The following FRMD4A variants were observed in gnomAD, a reference collection of about 807,000 sequenced individuals.
The protein encoded by FRMD4A is FERM domain containing 4A, also known as FERM domain-containing protein 4A.
Under a neutral mutation model 129.1 loss-of-function variants are expected in FRMD4A, and 29 were observed. The observed-to-expected ratio is 0.22, with a 90% CI of 0.17 to 0.31. FRMD4A has a LOEUF of 0.31. Ranked by LOEUF, FRMD4A falls within the 10% of genes least tolerant of loss-of-function variation. The pLI is 1.00. For missense variants in FRMD4A, 1,272 were observed against 1,375.8 expected (o/e 0.92, Z 1.19); for synonymous variants, 634 against 571.6 (o/e 1.11, Z -1.56).
At chr10:14,091,309 C>T (rs1836648025) in intron 2 of FRMD4A, among the ~76,000 whole-genome samples, 1 of 152,144 alleles carries the variant, frequency 6.6e-6, no homozygotes, top group Non-Finnish European at 1.5e-5. Context: ...AAATCCAACA[C>T]ACCACTAGAA....
At chr10:14,184,039 T>A (rs1486608750) in intron 2 of FRMD4A, among the ~76,000 whole-genome samples, 1 of 152,116 alleles carries the variant, frequency 6.6e-6, no homozygotes, top group African/African-American at 2.4e-5. Flanking sequence ...TGGTCATGGT[T>A]TGGAGAAAGG....
intron 6 of FRMD4A, among the ~76,000 whole-genome samples, chr10:13,780,242 G>A (rs1173187764): frequency 3.3e-5 from 5 of 151,904 alleles, no homozygotes; most frequent in African/African-American, 4.8e-5. Context: ...CGGGAGAATC[G>A]CTTGAACCTG....
At chr10:13,827,514 G>A (rs908788663) in intron 3 of FRMD4A, among the ~76,000 whole-genome samples, 1 of 152,194 alleles carries the variant, frequency 6.6e-6, no homozygotes, top group African/African-American at 2.4e-5. Flanking sequence ...TCGGCCATTA[G>A]GCAGCTTGGC....
chr10:14,004,959 A>T (rs1020860), intron 2 of FRMD4A, among the ~76,000 whole-genome samples: 54,733 of 151,722 alleles, frequency 0.36, 12,247 homozygotes, highest in African/African-American at 0.63. Context: ...ATTTATATAA[A>T]CTTTACAGGC....
intron 17 of FRMD4A, 56 bp downstream of exon 17, chr10:13,670,350 A>C (rs2083414780): frequency 1.3e-6 from 2 of 1,580,676 alleles, no homozygotes; most frequent in Non-Finnish European, 1.7e-6. Context: ...AGGCCTGACC[A>C]ATGGGAAAAA....
intron 2 of FRMD4A, among the ~76,000 whole-genome samples, chr10:14,137,475 C>A (rs55749853): frequency 0.25 from 37,310 of 152,128 alleles, 5,477 homozygotes; most frequent in East Asian, 0.51. Flanking sequence ...GATTCCCATC[C>A]TTTGAATTTT....
In FRMD4A at chr10:13,657,788, G is replaced by GTTTT. The variant is rs10695622; in HGVS notation, c.2067-270_2067-267dup. Among the ~76,000 whole-genome samples the GTTTT allele has an allele frequency of 3.6e-4, 52 of 143,334 alleles. 1 individual carries two copies. In the South Asian group the frequency reaches 9.5e-3, roughly 26 times the overall value. The allele number at this position is 143,334 out of a possible 152,430, so 94.0% of individuals were successfully genotyped here. A position where few individuals can be genotyped will look rare whatever the true frequency, so the allele number is the denominator to read the frequency against. On this transcript the variant is annotated intron_variant, in intron 21 of 24. Coordinates refer to ENST00000357447, the MANE Select transcript of FRMD4A (RefSeq NM_018027.5). ...CTCACAGAAAGGTTTCGATTTCTGG[G>GTTTT]TTTTTTTTTTTTTTTAAATAATTCT...
At chr10:13,679,484 C>T (rs1256500116) in intron 15 of FRMD4A, among the ~76,000 whole-genome samples, 51 of 111,434 alleles carry the variant, frequency 4.6e-4, no homozygotes, top group African/African-American at 1.0e-3. Context: ...TACACACACA[C>T]ACACACACAC....
intron 2 of FRMD4A, among the ~76,000 whole-genome samples, chr10:14,252,667 T>C (rs1844479638): frequency 1.3e-5 from 2 of 152,258 alleles, no homozygotes; most frequent in South Asian, 4.1e-4. Context: ...CAATGTTAAC[T>C]TTGATCATTG....
intron 2 of FRMD4A, among the ~76,000 whole-genome samples, chr10:14,011,126 G>T (rs1030080785): frequency 6.6e-6 from 1 of 152,224 alleles, no homozygotes; most frequent in Non-Finnish European, 1.5e-5. Flanking sequence ...GGCCCAGCTT[G>T]CCTGTCCTAC....
intron 2 of FRMD4A, among the ~76,000 whole-genome samples, chr10:14,266,311 C>T (rs1018467961): frequency 6.6e-6 from 1 of 152,162 alleles, no homozygotes; most frequent in African/African-American, 2.4e-5. Context: ...GAAGAGGGAA[C>T]AAAATAGCCC....
chr10:13,962,874 T>C (rs2095455011), intron 2 of FRMD4A, among the ~76,000 whole-genome samples: 1 of 152,192 alleles, frequency 6.6e-6, no homozygotes, highest in South Asian at 2.1e-4. Flanking sequence ...ATTTACTCAC[T>C]GAAACAAAGA....
chr10:14,127,370 T>C (rs941383492), intron 2 of FRMD4A, among the ~76,000 whole-genome samples: 1 of 152,138 alleles, frequency 6.6e-6, no homozygotes, highest in Non-Finnish European at 1.5e-5. Context: ...TTGTGAAAAC[T>C]AGTTTGAGTT....
Position 13,663,505 on chromosome 10 carries a change from TC to T in FRMD4A, c.1607del (p.Gly536GlufsTer81). On this transcript the variant is annotated frameshift_variant, in exon 19 of 25. Transcript: ENST00000357447. LOFTEE classifies it high-confidence loss of function. ...TQRASLIIDD[G>X]NIASEDSSLS... The stretch of plus-strand genomic sequence containing the variant: ...GGGAGCTGTCTTCACTGGCAATGTT[TC>T]CATCTGAGAAGACAAAAAGCAATAG... 1 of 1,530,980 alleles carries T rather than the reference TC, an allele frequency of 6.5e-7. No homozygotes were observed. Among genetic ancestry groups the T allele is most frequent in the Non-Finnish European group, 9.1e-7 (1 of 1,103,982 alleles). The allele number at this position is 1,530,980 out of a possible 1,614,324, so 94.8% of individuals were successfully genotyped here.
intron 6 of FRMD4A, among the ~76,000 whole-genome samples, chr10:13,765,202 T>A (rs1167819630): frequency 6.7e-6 from 1 of 149,998 alleles, no homozygotes; most frequent in Non-Finnish European, 1.5e-5. Flanking sequence ...GCAACTTCTG[T>A]CTCCCGGGTT....
At chr10:13,773,920 C>A (rs948619576) in intron 6 of FRMD4A, among the ~76,000 whole-genome samples, 2 of 152,182 alleles carry the variant, frequency 1.3e-5, no homozygotes, top group African/African-American at 4.8e-5. Context: ...AAAGGCTTGG[C>A]GGGAAAGCTG....
chr10:13,661,698 G>A (rs1371005831), intron 19 of FRMD4A, among the ~76,000 whole-genome samples: 1 of 152,112 alleles, frequency 6.6e-6, no homozygotes. Flanking sequence ...GGATGAATGA[G>A]GACTTCAGGC....
At chr10:13,902,078 G>A (rs894254418) in intron 2 of FRMD4A, among the ~76,000 whole-genome samples, 2 of 152,124 alleles carry the variant, frequency 1.3e-5, no homozygotes, top group Non-Finnish European at 2.9e-5. Context: ...GTACAGTGGC[G>A]TGATCATAGC....
intron 2 of FRMD4A, among the ~76,000 whole-genome samples, chr10:14,036,912 A>C (rs1260658076): frequency 1.3e-5 from 2 of 152,180 alleles, no homozygotes; most frequent in African/African-American, 4.8e-5. Flanking sequence ...TTACCCTCAA[A>C]ACTGAAAAGC....
Sources: allele counts gnomAD v4.1 joint callset (sites outside exome capture counted in the v4.1 genomes callset), GRCh38; gene constraint gnomAD v4.1.1; transcripts MANE v1.5; gene names NCBI Gene and HGNC (gene_info 2026-07-23, HGNC 2026-07-21).